SLCO4C1: variants seen among roughly 807,000 people sequenced by gnomAD.
The protein encoded by SLCO4C1 is organic anion transporter M1.
A neutral mutation model predicts 72.1 loss-of-function variants in SLCO4C1; 58 were observed. The ratio of observed to expected loss-of-function variants is 0.80; its 90% CI spans 0.65 to 1.00. SLCO4C1 has a LOEUF of 1.00. Ranked by LOEUF, SLCO4C1 falls within the 50% of genes least tolerant of loss-of-function variation. SLCO4C1 has a pLI of 0.00. For synonymous variants in SLCO4C1, 297 were observed against 312.5 expected (o/e 0.95, Z 0.52); for missense variants, 898 against 857.9 (o/e 1.05, Z -0.58).
intron 2 of SLCO4C1, among the ~76,000 whole-genome samples, chr5:102,278,331 G>C (rs554165730): frequency 1.3e-5 from 2 of 152,232 alleles, no homozygotes; most frequent in East Asian, 3.9e-4. Flanking sequence ...CCATCATAGA[G>C]CTGTAAAACA....
chr5:102,237,322 T>C (rs1348019357), intron 12 of SLCO4C1, among the ~76,000 whole-genome samples: 1 of 152,128 alleles, frequency 6.6e-6, no homozygotes, highest in Non-Finnish European at 1.5e-5. Context: ...TGGGCCACCA[T>C]CTAGATTTGT....
rs190792870 is a variant in SLCO4C1 at position 102,255,754 on chromosome 5, A to C, written c.1469+1361T>G. Among the ~76,000 whole-genome samples, 3 of 149,014 alleles carry C rather than the reference A, an allele frequency of 2.0e-5. No individual in the cohort carries two copies. The East Asian group carries it at 6.0e-4, about 30-fold the overall frequency. Reference sequence around the variant, plus strand: ...CTGGATTCTAATCAAATAAAATTGAAAAGCTCACCTTCTTTTCAATTCCAT... The same window carrying C: ...CTGGATTCTAATCAAATAAAATTGACAAGCTCACCTTCTTTTCAATTCCAT... On this transcript the variant is annotated intron_variant, in intron 8 of 12. Transcript: ENST00000310954.
At chr5:102,290,795 A>C (rs1166939078) in intron 2 of SLCO4C1, among the ~76,000 whole-genome samples, 1 of 152,196 alleles carries the variant, frequency 6.6e-6, no homozygotes, top group East Asian at 1.9e-4. Context: ...ATATGTATAT[A>C]ATTAAATTTC....
intron 3 of SLCO4C1, among the ~76,000 whole-genome samples, chr5:102,266,672 G>GAAAAGAAAAGAA (rs60045053): frequency 6.0e-5 from 9 of 151,190 alleles, no homozygotes; most frequent in African/African-American, 2.2e-4. Context: ...GAAAAGAAAA[G>GAAAAGAAAAGAA]AAAAAAAACA....
At position 102,296,150 on chromosome 5, in the gene SLCO4C1, T is replaced by C; in HGVS notation, c.113A>G (p.Asp38Gly). 2.5e-6 allele frequency: 4 copies of C among 1,613,634 alleles called. No individual in the cohort carries two copies. Among genetic ancestry groups the C allele is most frequent in the Non-Finnish European group, 3.4e-6 (4 of 1,179,842 alleles). ...TGGCTGAGAATTCTCTCTTTGGGGGTCAGAGGACAAGGCAGAGACTTCGAT... is the reference window on the plus strand; with the variant it reads ...TGGCTGAGAATTCTCTCTTTGGGGGCCAGAGGACAAGGCAGAGACTTCGAT... ...SQIEVSALSS[D>G]PQRENSQPQE... The change falls in exon 1 of 13, where the codon GAC (aspartate) becomes GGC (glycine). Residue 38 changes from aspartate (D) to glycine (G), a missense_variant. By Grantham distance (94) the Asp-to-Gly change is moderately conservative. Coordinates refer to ENST00000310954, the MANE Select transcript of SLCO4C1 (RefSeq NM_180991.5).
At chr5:102,250,173 T>C (rs980848798) in intron 8 of SLCO4C1, among the ~76,000 whole-genome samples, 2 of 152,116 alleles carry the variant, frequency 1.3e-5, no homozygotes, top group African/African-American at 2.4e-5. Context: ...AATATCTCCA[T>C]ACAGTGCCAA....
At chr5:102,247,049 C>A (rs1266612840) in intron 10 of SLCO4C1, among the ~76,000 whole-genome samples, 1 of 152,130 alleles carries the variant, frequency 6.6e-6, no homozygotes, top group Non-Finnish European at 1.5e-5. Flanking sequence ...AATGTGAAGA[C>A]ACTTTCACCT....
rs1433849203 is a variant in SLCO4C1, at chr5:102,236,484, TA to T, written c.*373del. Reference sequence around the variant, plus strand: ...ATGGGGATAGAAACAACATTTTTTTTAAATGTAAATTTTTCTAATTGTGGGC... The same window carrying T: ...ATGGGGATAGAAACAACATTTTTTTTAATGTAAATTTTTCTAATTGTGGGC... On this transcript the variant is annotated 3_prime_UTR_variant, in exon 13 of 13. Transcript: ENST00000310954. The T allele has an allele frequency of 1.3e-5, 2 of 154,954 alleles. No individual in the cohort carries two copies. Among genetic ancestry groups the T allele is most frequent in the Admixed American group, 1.3e-4 (2 of 15,304 alleles). 9.6% of individuals were successfully genotyped at this position (154,954 alleles called of 1,614,324 possible). A position where few individuals can be genotyped will look rare whatever the true frequency, so the allele number is the denominator to read the frequency against.
rs1748452287 is a variant in SLCO4C1, at chr5:102,237,134, A to G, written c.2015-116T>C. On this transcript the variant is annotated intron_variant, in intron 12 of 12. Transcript: ENST00000310954. ...TAAAGAGAATAATTACATAACCATT[A>G]TAGTTCTATGTTTAAAATTTTTGAA... is the stretch of plus-strand genomic sequence containing the variant. 2.8e-6 allele frequency: 3 copies of G among 1,075,222 alleles called. No individual in the cohort carries two copies. In the Admixed American group the frequency reaches 9.9e-5, roughly 35 times the overall value. 66.6% of individuals were successfully genotyped at this position (1,075,222 alleles called of 1,614,324 possible). A position where few individuals can be genotyped will look rare whatever the true frequency, so the allele number is the denominator to read the frequency against.
intron 4 of SLCO4C1, among the ~76,000 whole-genome samples, chr5:102,263,418 T>C (rs1748977528): frequency 6.6e-6 from 1 of 152,114 alleles, no homozygotes; most frequent in African/African-American, 2.4e-5. Context: ...GGGTCCTACA[T>C]ACTTATTTTT....
At position 102,263,733 on chromosome 5, in the gene SLCO4C1, A is replaced by C; in HGVS notation, c.850T>G (p.Leu284Val). 6.2e-7 allele frequency: 1 copy of C among 1,612,950 alleles called. No homozygotes were observed. Among genetic ancestry groups the C allele is most frequent in the Non-Finnish European group, 8.5e-7 (1 of 1,179,258 alleles). ...SILGPAIGYV[L>V]GGQLLTIYID... ...TATATGGTTAGCAGTTGTCCTCCCA[A>C]TACATAGCCAATAGCAGGGCCTAAG... The change falls in exon 4 of 13, where the codon TTG (leucine) becomes GTG (valine). Residue 284 changes from leucine (L) to valine (V), a missense_variant. Physicochemically the swap from Leu to Val is conservative, Grantham distance 32 (BLOSUM62 1). Transcript: ENST00000310954.
rs767623707 is a variant in SLCO4C1, at chr5:102,270,819, A to AT, written c.620-14_620-13insA. The stretch of plus-strand genomic sequence containing the variant: ...GTTACACAAGTGTCTTTGTGGAAAA[A>AT]AAAATTGTGAATTTATAGAAATTCA... On this transcript the variant is annotated splice_polypyrimidine_tract_variant and intron_variant, in intron 2 of 12. Coordinates refer to ENST00000310954, the MANE Select transcript of SLCO4C1 (RefSeq NM_180991.5). 1 of 1,545,588 alleles carries AT rather than the reference A, an allele frequency of 6.5e-7. No homozygotes were observed. The highest frequency in any genetic ancestry group is 2.1e-5 in the Admixed American group (1 of 47,666).
rs769205523 is a variant in SLCO4C1 at position 102,296,135 on chromosome 5, TTC to T, written c.126_127del (p.Asn43PhefsTer41). On this transcript the variant is annotated frameshift_variant, in exon 1 of 13. Transcript: ENST00000310954. LOFTEE classifies it high-confidence loss of function. Reference sequence around the variant, plus strand: ...CTTCTGAAGCTCCTGTGGCTGAGAATTCTCTCTTTGGGGGTCAGAGGACAAGG... The same window carrying T: ...CTTCTGAAGCTCCTGTGGCTGAGAATTCTCTTTGGGGGTCAGAGGACAAGG... The T allele has an allele frequency of 9.3e-6, 15 of 1,614,130 alleles. No homozygotes were observed. In the East Asian group the frequency reaches 2.7e-4, roughly 29 times the overall value.
At chr5:102,294,212 A>T (rs1036678366) in intron 1 of SLCO4C1, among the ~76,000 whole-genome samples, 3 of 151,440 alleles carry the variant, frequency 2.0e-5, no homozygotes, top group Non-Finnish European at 2.9e-5. Context: ...CCCGGCCATA[A>T]TTTTTTGTAT....
At chr5:102,266,627 G>T (rs975202419) in intron 3 of SLCO4C1, among the ~76,000 whole-genome samples, 1 of 151,832 alleles carries the variant, frequency 6.6e-6, no homozygotes. Context: ...TCCAGCCTGG[G>T]TGACAAGAGC....
chr5:102,295,584 G>C (rs576654738), intron 1 of SLCO4C1, among the ~76,000 whole-genome samples: 1 of 152,264 alleles, frequency 6.6e-6, no homozygotes, highest in South Asian at 2.1e-4. Context: ...AACTCCCCAG[G>C]GTATACCTTT....
At chr5:102,250,728 C>A (rs544924837) in intron 8 of SLCO4C1, among the ~76,000 whole-genome samples, 2 of 152,270 alleles carry the variant, frequency 1.3e-5, no homozygotes, top group African/African-American at 2.4e-5. Context: ...GTGGCTTACA[C>A]CTGTAATCCC....
At chr5:102,270,933 T>A in intron 2 of SLCO4C1, 127 bp from the exon 3 acceptor site, 2 of 789,286 alleles carry the variant, frequency 2.5e-6, no homozygotes, top group Non-Finnish European at 3.8e-6. Context: ...TACTTTGATT[T>A]AAACTATTTA....
intron 1 of SLCO4C1, among the ~76,000 whole-genome samples, chr5:102,293,749 T>G (rs947704426): frequency 1.3e-5 from 2 of 152,066 alleles, no homozygotes; most frequent in Admixed American, 1.3e-4. Context: ...ATTATACTTT[T>G]TTTTGAGACC....
Sources: gnomAD v4.1 joint callset for allele counts (sites outside exome capture counted in the v4.1 genomes callset) on GRCh38, gnomAD v4.1.1 for gene constraint, MANE v1.5 for transcripts, NCBI Gene and HGNC (gene_info 2026-07-23, HGNC 2026-07-21) for gene names.